The following TLK1 variants were observed in gnomAD, a reference collection of about 807,000 sequenced individuals.
The protein encoded by TLK1 is serine/threonine-protein kinase tousled-like 1.
A neutral mutation model predicts 105.3 loss-of-function variants in TLK1; 24 were observed. That is an observed-to-expected ratio of 0.23 (90% CI 0.17 to 0.32). TLK1 has a LOEUF of 0.32. TLK1 is among the 10% of genes least tolerant of loss of function. The pLI, the probability that TLK1 is intolerant of heterozygous loss-of-function variation, is 1.00. For synonymous variants in TLK1, 321 were observed against 310.4 expected (o/e 1.03, Z -0.36); for missense variants, 558 against 910.5 (o/e 0.61, Z 4.98).
chr2:171,015,137 T>C (rs1575515477), intron 12 of TLK1, among the ~76,000 whole-genome samples, 189 bp from the exon 13 acceptor site: 2 of 152,124 alleles, frequency 1.3e-5, no homozygotes, highest in African/African-American at 4.8e-5. Context: ...AAAACCTATT[T>C]GAAGAAACCA....
chr2:171,082,717 CTAAT>C (rs1688806944), intron 3 of TLK1, 60 bp downstream of exon 3: 5 of 1,256,600 alleles, frequency 4.0e-6, no homozygotes, highest in African/African-American at 1.5e-5. Flanking sequence ...AAACAAAATA[CTAAT>C]TAAAACGGTG....
In TLK1 at chr2:171,136,453, C is replaced by G. The variant is rs555501815; in HGVS notation, c.140-18596G>C. Among the ~76,000 whole-genome samples the G allele has an allele frequency of 3.3e-5, 5 of 152,258 alleles. No individual in the cohort carries two copies. In the South Asian group the frequency reaches 1.0e-3, roughly 32 times the overall value. On this transcript the variant is annotated intron_variant, in intron 1 of 20. Transcript: ENST00000431350. ...TAGAAATGGCTAAGAGGTAGCCAGG[C>G]AGGGTGGCAGCCTCCAGAGGCTGAG...
At chr2:171,173,047 G>A (rs1380047851) in intron 1 of TLK1, among the ~76,000 whole-genome samples, 1 of 152,094 alleles carries the variant, frequency 6.6e-6, no homozygotes, top group Non-Finnish European at 1.5e-5. Flanking sequence ...GAAATACTAT[G>A]AATAAAAATG....
rs141577534 is a variant in TLK1 at position 171,099,799 on chromosome 2, C to A, written c.259-16947G>T. On this transcript the variant is annotated intron_variant, in intron 2 of 20. Transcript: ENST00000431350. ...AATGTTGCTGAGACAACTGAATAGT[C>A]CAACGCGAAAAAATTATTTTGGATT... is the stretch of plus-strand genomic sequence containing the variant. Among the ~76,000 whole-genome samples the A allele has an allele frequency of 8.8e-3, 1,335 of 152,196 alleles. 27 individuals carry two copies. Among genetic ancestry groups the A allele is most frequent in the African/African-American group, 0.03 (1,261 of 41,506 alleles).
At chr2:171,118,927 G>A (rs1466453010) in intron 1 of TLK1, among the ~76,000 whole-genome samples, 1 of 152,076 alleles carries the variant, frequency 6.6e-6, no homozygotes, top group Non-Finnish European at 1.5e-5. Flanking sequence ...ACTCTTTCAT[G>A]CTTATTTGGA....
chr2:171,033,570 G>C (rs1686157205), intron 11 of TLK1, among the ~76,000 whole-genome samples: 1 of 151,550 alleles, frequency 6.6e-6, no homozygotes, highest in Non-Finnish European at 1.5e-5. Flanking sequence ...AGTATAATTG[G>C]AATGTTTATA....
At chr2:171,136,183 T>C (rs1361999234) in intron 1 of TLK1, among the ~76,000 whole-genome samples, 1 of 152,218 alleles carries the variant, frequency 6.6e-6, no homozygotes, top group Non-Finnish European at 1.5e-5. Flanking sequence ...GGGTGAACCT[T>C]GAAGACGTTA....
At chr2:171,227,567 C>A in intron 1 of TLK1, among the ~76,000 whole-genome samples, 1 of 36,122 alleles carries the variant, frequency 2.8e-5, no homozygotes, top group Admixed American at 3.6e-4. Flanking sequence ...TAGTAAATCT[C>A]CTTTTTTTTT....
chr2:171,114,041 A>T (rs992102940), intron 2 of TLK1, among the ~76,000 whole-genome samples: 1 of 152,190 alleles, frequency 6.6e-6, no homozygotes, highest in Non-Finnish European at 1.5e-5. Context: ...CAATTACCAG[A>T]TGTCAAATGG....
rs1691199671 is a variant in TLK1, at chr2:171,133,784, T to C, written c.140-15927A>G. Among the ~76,000 whole-genome samples, 3 of 150,018 alleles carry C rather than the reference T, an allele frequency of 2.0e-5. No individual in the cohort carries two copies. In the Admixed American group the frequency reaches 2.0e-4, roughly 10 times the overall value. The stretch of plus-strand genomic sequence containing the variant: ...TTTTTTTTTTTTTTTAATATTTGAG[T>C]GTACATAATGAGGTATCTGGGGGAT... On this transcript the variant is annotated intron_variant, in intron 1 of 20. Coordinates refer to ENST00000431350, the MANE Select transcript of TLK1 (RefSeq NM_012290.5).
chr2:171,182,803 C>A (rs193174168), intron 1 of TLK1, among the ~76,000 whole-genome samples: 1 of 151,288 alleles, frequency 6.6e-6, no homozygotes, highest in African/African-American at 2.4e-5. Flanking sequence ...TCCCTGTAGT[C>A]CCAGCTCATC....
At chr2:171,109,244 G>A (rs1008987305) in intron 2 of TLK1, among the ~76,000 whole-genome samples, 10 of 152,156 alleles carry the variant, frequency 6.6e-5, no homozygotes, top group Non-Finnish European at 1.5e-4. Flanking sequence ...ACTGATGTCA[G>A]GGACTGATGT....
chr2:171,156,561 CTCTTT>C (rs1438942841), intron 1 of TLK1, among the ~76,000 whole-genome samples: 1 of 152,220 alleles, frequency 6.6e-6, no homozygotes, highest in African/African-American at 2.4e-5. Context: ...TCTGGTTTCT[CTCTTT>C]TATCTCTCTC....
intron 4 of TLK1, among the ~76,000 whole-genome samples, chr2:171,060,753 G>T (rs1408644541): frequency 1.3e-5 from 2 of 152,006 alleles, no homozygotes; most frequent in Non-Finnish European, 2.9e-5. Flanking sequence ...AATGGGAAAA[G>T]TTTGAGTAGT....
At chr2:171,184,127 T>C (rs1692978132) in intron 1 of TLK1, among the ~76,000 whole-genome samples, 2 of 152,094 alleles carry the variant, frequency 1.3e-5, no homozygotes, top group Non-Finnish European at 1.5e-5. Flanking sequence ...GTTACAGGCT[T>C]TGGAGACTGA....
At chr2:171,114,951 T>C (rs1690345919) in intron 2 of TLK1, among the ~76,000 whole-genome samples, 1 of 152,178 alleles carries the variant, frequency 6.6e-6, no homozygotes, top group African/African-American at 2.4e-5. Context: ...CCCATAAAAC[T>C]AGTAACAGAC....
chr2:171,209,748 C>T lies in TLK1; in HGVS notation c.-6+21397G>A, dbSNP rs1235003297. ...AGGAAATTTGGACACAGAATATGTA[C>T]GAAGTGAAGACCATATGAAGACAGA... On this transcript the variant is annotated intron_variant, in intron 1 of 20. Transcript: ENST00000521943. Among the ~76,000 whole-genome samples the T allele has an allele frequency of 2.0e-5, 3 of 152,064 alleles. No homozygotes were observed. In the South Asian group the frequency reaches 6.2e-4, roughly 32 times the overall value.
At chr2:171,147,255 T>G (rs988822307) in intron 1 of TLK1, among the ~76,000 whole-genome samples, 3 of 152,156 alleles carry the variant, frequency 2.0e-5, no homozygotes, top group Non-Finnish European at 4.4e-5. Context: ...GCCAATAAGT[T>G]TTCTATAAAA....
intron 1 of TLK1, among the ~76,000 whole-genome samples, chr2:171,147,471 G>C (rs1213156388): frequency 6.6e-6 from 1 of 152,158 alleles, no homozygotes; most frequent in Non-Finnish European, 1.5e-5. Context: ...TCAACTTCTG[G>C]GCTCAAATGA....
Sources: allele counts gnomAD v4.1 joint callset (sites outside exome capture counted in the v4.1 genomes callset), GRCh38; gene constraint gnomAD v4.1.1; transcripts MANE v1.5; gene names NCBI Gene and HGNC (gene_info 2026-07-23, HGNC 2026-07-21).